The following SAMD3 variants were observed in gnomAD, a reference collection of about 807,000 sequenced individuals.
SAMD3 encodes sterile alpha motif domain-containing protein 3.
SAMD3 carries 63 observed loss-of-function variants against 58.5 expected under a neutral mutation model. The observed-to-expected ratio is 1.08, with a 90% CI of 0.88 to 1.33. The LOEUF (loss-of-function observed/expected upper bound fraction) is 1.33, where lower values mean the gene tolerates loss of function less well. SAMD3 is among the 40% of genes most tolerant of loss of function. The pLI is 0.00. For synonymous variants in SAMD3, 220 were observed against 210.3 expected, an observed-to-expected ratio of 1.05 and a Z score of -0.40; for missense variants, 604 against 608.4, an observed-to-expected ratio of 0.99 and a Z score of 0.08.
intron 5 of SAMD3, among the ~76,000 whole-genome samples, chr6:130,208,163 G>A (rs1453716240): frequency 6.6e-6 from 1 of 152,260 alleles, no homozygotes; most frequent in African/African-American, 2.4e-5. Flanking sequence ...TGAGCTGATA[G>A]TGTAAAGGGG....
downstream of SAMD3, chr6:130,144,037 G>A (rs1788400417): frequency 6.5e-6 from 1 of 154,394 alleles, no homozygotes; most frequent in Non-Finnish European, 1.4e-5. Context: ...GATCTCCTGG[G>A]GCAAGGCAGA....
In SAMD3 at chr6:130,326,847, C is replaced by G. The variant is rs564135741; in HGVS notation, c.-303-13754G>C. ...CCACCACTCCAGTTGTAAACTGCAC[C>G]AGTCATCCAACCACAGGCACTACCC... On this transcript the variant is annotated intron_variant, in intron 1 of 13. Transcript: ENST00000368134. 2.2e-3 allele frequency among the ~76,000 whole-genome samples: 332 copies of G among 152,240 alleles called. 2 individuals are homozygous for G. The highest frequency in any genetic ancestry group is 7.5e-3 in the African/African-American group (312 of 41,526).
intron 5 of SAMD3, among the ~76,000 whole-genome samples, chr6:130,186,953 GTA>G (rs1193295938): frequency 6.6e-6 from 1 of 151,540 alleles, no homozygotes; most frequent in Non-Finnish European, 1.5e-5. Context: ...TTTATTTTTA[GTA>G]TAGACAGTGT....
chr6:130,329,916 G>T (rs1160297160), intron 1 of SAMD3, among the ~76,000 whole-genome samples: 1 of 151,800 alleles, frequency 6.6e-6, no homozygotes, highest in Non-Finnish European at 1.5e-5. Flanking sequence ...GGCCTGTTGG[G>T]GGGTGGGGGG....
At position 130,154,885 on chromosome 6, in the gene SAMD3, G is replaced by A. The variant is rs754963389; in HGVS notation, c.963C>T (p.Gly321=). 3.9e-5 allele frequency: 63 copies of A among 1,613,256 alleles called. 1 individual carries two copies. The East Asian group carries it at 1.4e-3, about 35-fold the overall frequency. ...QTLEIRRKMI[G]SRTPLKDILK... The stretch of plus-strand genomic sequence containing the variant: ...GAATGTCCTTCAGAGGTGTTCGGCT[G>A]CCAATCATCTTTCTTCTTATTTCCA... The change falls in exon 9 of 12, where the codon GGC becomes GGT. Residue 321 remains glycine, a synonymous_variant. Coordinates refer to ENST00000439090, the MANE Select transcript of SAMD3 (RefSeq NM_001017373.4).
At chr6:130,155,096 C>T (rs1224218187) in intron 8 of SAMD3, 71 bp from the exon 9 acceptor site, 12 of 1,222,622 alleles carry the variant, frequency 9.8e-6, no homozygotes, top group Admixed American at 5.2e-5. Flanking sequence ...GCTGTTATTG[C>T]ACACTCTTAA....
At position 130,184,139 on chromosome 6, in the gene SAMD3, C is replaced by T. The variant is rs41285308; in HGVS notation, c.618G>A (p.Gln206=). Residue 206 remains glutamine (Q), a synonymous_variant, in exon 7 of 12, where the codon CAG becomes CAA. Coordinates refer to ENST00000439090, the MANE Select transcript of SAMD3 (RefSeq NM_001017373.4). ...QYNDVVNALL[Q]AHPFLDEDGC... ...CATCCTCATCCAGGAAAGGGTGGGC[C>T]TGCAGCAGGGCATTAACCACGTCAT... 46,676 of 1,613,914 alleles carry T rather than the reference C, an allele frequency of 0.029. 838 individuals carry two copies. The highest frequency in any genetic ancestry group is 0.033 in the Non-Finnish European group (38,351 of 1,179,862).
intron 1 of SAMD3, among the ~76,000 whole-genome samples, chr6:130,220,976 C>T (rs375180342): frequency 1.1e-4 from 17 of 152,232 alleles, no homozygotes; most frequent in Admixed American, 8.5e-4. Flanking sequence ...GCCTCAACCT[C>T]CCGAGTAGCT....
At chr6:130,197,339 C>A (rs1794225440) in intron 5 of SAMD3, among the ~76,000 whole-genome samples, 1 of 152,218 alleles carries the variant, frequency 6.6e-6, no homozygotes, top group Non-Finnish European at 1.5e-5. Context: ...GTTTACACTG[C>A]CGGTTTACAC....
chr6:130,316,639 T>C (rs890899947), intron 1 of SAMD3, among the ~76,000 whole-genome samples: 9 of 152,206 alleles, frequency 5.9e-5, no homozygotes, highest in African/African-American at 2.2e-4. Flanking sequence ...GGCCCAAGTG[T>C]ATGCTCTATT....
intron 5 of SAMD3, among the ~76,000 whole-genome samples, chr6:130,198,300 C>T (rs1794329341): frequency 6.6e-6 from 1 of 152,128 alleles, no homozygotes; most frequent in East Asian, 1.9e-4. Context: ...AACTCCTGGG[C>T]TCAATGGAAG....
chr6:130,345,140 G>A (rs965349291), intron 1 of SAMD3, among the ~76,000 whole-genome samples: 1 of 152,188 alleles, frequency 6.6e-6, no homozygotes, highest in African/African-American at 2.4e-5. Context: ...GTGTGGAGTT[G>A]AGCTGAATTT....
Position 130,144,604 on chromosome 6 carries a change from C to G in SAMD3, c.1479G>C (p.Thr493=). 1 of 1,614,046 alleles carries G rather than the reference C, an allele frequency of 6.2e-7. No homozygotes were observed. ...RLSQTFNFLE[T]LIFDMHSPYF... is the part of the protein sequence containing the mutation. ...AAGGACTGTGCATATCGAAAATCAGCGTTTCTAGGAAGTTGAAAGTTTGGG... is the reference window on the plus strand; with the variant it reads ...AAGGACTGTGCATATCGAAAATCAGGGTTTCTAGGAAGTTGAAAGTTTGGG... The change falls in exon 12 of 12, where the codon ACG becomes ACC. Residue 493 remains threonine (T), a synonymous_variant. Coordinates refer to ENST00000439090, the MANE Select transcript of SAMD3 (RefSeq NM_001017373.4).
At chr6:130,204,176 C>G (rs774100964) in intron 5 of SAMD3, among the ~76,000 whole-genome samples, 7 of 152,054 alleles carry the variant, frequency 4.6e-5, no homozygotes, top group African/African-American at 1.7e-4. Context: ...AGGTGAGAAG[C>G]CTTTAAAGTA....
intron 1 of SAMD3, among the ~76,000 whole-genome samples, chr6:130,324,926 A>T (rs966211091): frequency 6.6e-6 from 1 of 152,150 alleles, no homozygotes; most frequent in Non-Finnish European, 1.5e-5. Flanking sequence ...CCAAGGAGCC[A>T]GGGGTTCTTG....
chr6:130,174,470 T>C (rs549899786), intron 8 of SAMD3, among the ~76,000 whole-genome samples: 1 of 152,252 alleles, frequency 6.6e-6, no homozygotes, highest in Admixed American at 6.5e-5. Flanking sequence ...CCAGCTTCTG[T>C]TCATCCTCTG....
At chr6:130,198,070 C>T (rs1214145669) in intron 5 of SAMD3, among the ~76,000 whole-genome samples, 1 of 152,034 alleles carries the variant, frequency 6.6e-6, no homozygotes, top group African/African-American at 2.4e-5. Context: ...ACCCCTTTTT[C>T]CTTTACCTAC....
intron 2 of SAMD3, among the ~76,000 whole-genome samples, chr6:130,260,814 T>A (rs1315562362): frequency 2.6e-5 from 4 of 152,194 alleles, no homozygotes; most frequent in African/African-American, 9.7e-5. Flanking sequence ...CTGTGGAGGA[T>A]CAACGCAGTG....
intron 2 of SAMD3, among the ~76,000 whole-genome samples, chr6:130,249,891 A>G (rs1773682597): frequency 6.6e-6 from 1 of 152,198 alleles, no homozygotes; most frequent in Non-Finnish European, 1.5e-5. Context: ...AGAGTTCCAA[A>G]ATAGTCTCAC....
Sources: allele counts gnomAD v4.1 joint callset (sites outside exome capture counted in the v4.1 genomes callset), GRCh38; gene constraint gnomAD v4.1.1; transcripts MANE v1.5; gene names NCBI Gene and HGNC (gene_info 2026-07-23, HGNC 2026-07-21).